The following PSMF1 variants were observed in gnomAD, a reference collection of about 807,000 sequenced individuals.
PSMF1 encodes the protein proteasome inhibitor PI31 subunit.
Under a neutral mutation model 29.3 loss-of-function variants are expected in PSMF1, and 30 were observed. The ratio of observed to expected loss-of-function variants is 1.02; its 90% CI spans 0.77 to 1.39. The LOEUF (loss-of-function observed/expected upper bound fraction) is 1.39, where lower values mean the gene tolerates loss of function less well. PSMF1 is among the 40% of genes most tolerant of loss of function. PSMF1 has a pLI of 0.00. For synonymous variants in PSMF1, 134 were observed against 139.7 expected (o/e 0.96, Z 0.29); for missense variants, 344 against 357.5 (o/e 0.96, Z 0.31).
At chr20:1,122,223 C>T (rs759047069) in intron 1 of PSMF1, among the ~76,000 whole-genome samples, 11 of 152,074 alleles carry the variant, frequency 7.2e-5, no homozygotes, top group Non-Finnish European at 1.5e-4. Flanking sequence ...CTACACCTGA[C>T]TTGCTGAGAC....
intron 4 of PSMF1, among the ~76,000 whole-genome samples, chr20:1,139,822 C>A (rs1334640468): frequency 6.6e-6 from 1 of 151,554 alleles, no homozygotes; most frequent in South Asian, 2.1e-4. Context: ...TGAAATTATC[C>A]CATTTATAAC....
intron 3 of PSMF1, among the ~76,000 whole-genome samples, chr20:1,133,233 C>T (rs965984256): frequency 6.6e-5 from 10 of 150,856 alleles, no homozygotes; most frequent in African/African-American, 2.4e-4. Context: ...TGTAAATGTT[C>T]TTTATCAGGT....
At chr20:1,161,930 A>G (rs2086672316) in intron 4 of PSMF1, among the ~76,000 whole-genome samples, 1 of 152,310 alleles carries the variant, frequency 6.6e-6, no homozygotes, top group South Asian at 2.1e-4. Context: ...TTAATACTCT[A>G]CATATCTTTG....
At position 1,170,385 on chromosome 20, in the gene PSMF1, G is replaced by C. The variant is rs6040275; in HGVS notation, c.*5305G>C. Reference sequence around the variant, plus strand: ...TTAATGCATGCATGAACTCTGATTCGAAGTTTTCGTTGATTTTACCCCCAG... The same window carrying C: ...TTAATGCATGCATGAACTCTGATTCCAAGTTTTCGTTGATTTTACCCCCAG... On this transcript the variant is annotated 3_prime_UTR_variant, in exon 7 of 7. Transcript: ENST00000335877. Among the ~76,000 whole-genome samples the C allele has an allele frequency of 6.6e-6, 1 of 152,014 alleles. No homozygotes were observed. The highest frequency in any genetic ancestry group is 1.5e-5 in the Non-Finnish European group (1 of 68,008).
upstream of PSMF1, among the ~76,000 whole-genome samples, chr20:1,113,847 A>C (rs1014912269): frequency 1.3e-5 from 2 of 151,830 alleles, no homozygotes; most frequent in African/African-American, 2.4e-5. Flanking sequence ...GCCCGCCACC[A>C]CGCCCGGCTA....
intron 4 of PSMF1, among the ~76,000 whole-genome samples, chr20:1,149,928 G>C (rs1412619696): frequency 6.6e-6 from 1 of 151,362 alleles, no homozygotes; most frequent in Non-Finnish European, 1.5e-5. Flanking sequence ...GAGAGGCTGA[G>C]GTGGGAGGAT....
intron 4 of PSMF1, among the ~76,000 whole-genome samples, chr20:1,160,003 G>C (rs2086646347): frequency 6.6e-6 from 1 of 152,174 alleles, no homozygotes; most frequent in African/African-American, 2.4e-5. Context: ...TGTATTGCTT[G>C]CCAGGGCTCT....
At chr20:1,127,345 A>G in intron 2 of PSMF1, 81 bp from the exon 3 acceptor site, 1 of 1,044,144 alleles carries the variant, frequency 9.6e-7, no homozygotes, top group African/African-American at 1.6e-5. Context: ...TTTAGGTTGA[A>G]GACTTTGTTA....
In PSMF1 at chr20:1,170,126, T is replaced by A. The variant is rs781382274; in HGVS notation, c.*5046T>A. 6.6e-6 allele frequency among the ~76,000 whole-genome samples: 1 copy of A among 152,210 alleles called. No individual in the cohort carries two copies. Among genetic ancestry groups the A allele is most frequent in the Non-Finnish European group, 1.5e-5 (1 of 68,034 alleles). On this transcript the variant is annotated 3_prime_UTR_variant, in exon 7 of 7. Coordinates refer to ENST00000335877, the MANE Select transcript of PSMF1 (RefSeq NM_006814.5). ...AGAAGGGAGGGGAAGACCTACCTCC[T>A]TGTTACTCAGACCACCAGCAACAGC...
intron 4 of PSMF1, among the ~76,000 whole-genome samples, chr20:1,153,543 T>A (rs1050655264): frequency 6.6e-5 from 10 of 151,646 alleles, no homozygotes; most frequent in Non-Finnish European, 8.8e-5. Context: ...CCTTTTGAGG[T>A]CAACTGTGCC....
rs6108755 is a variant in PSMF1, at chr20:1,166,056, C to A, written c.*976C>A. 2.2e-3 allele frequency: 3,316 copies of A among 1,485,594 alleles called. 67 individuals are homozygous for A. The African/African-American group carries it at 0.04, about 18-fold the overall frequency. 92.0% of individuals were successfully genotyped at this position (1,485,594 alleles called of 1,614,324 possible). ...GGTTCAAGGCCATACTTCCCTTGAACCTTGTGTGGTTCTTGCCTAACTCTG... is the reference window on the plus strand; with the variant it reads ...GGTTCAAGGCCATACTTCCCTTGAAACTTGTGTGGTTCTTGCCTAACTCTG... On this transcript the variant is annotated 3_prime_UTR_variant, in exon 7 of 7. Coordinates refer to ENST00000335877, the MANE Select transcript of PSMF1 (RefSeq NM_006814.5).
At position 1,161,545 on chromosome 20, in the gene PSMF1, G is replaced by A. The variant is rs952254716; in HGVS notation, c.552-1585G>A. The A allele has an allele frequency of 4.0e-5, 24 of 594,118 alleles. No homozygotes were observed. The Admixed American group carries it at 5.5e-4, about 14-fold the overall frequency. 36.8% of individuals were successfully genotyped at this position (594,118 alleles called of 1,614,324 possible). Reference sequence around the variant, plus strand: ...ATCACTGCCCTGGTGCCAGCACAAGGAAGATCAAGATCATCGTGCTCCCAG... The same window carrying A: ...ATCACTGCCCTGGTGCCAGCACAAGAAAGATCAAGATCATCGTGCTCCCAG... On this transcript the variant is annotated intron_variant, in intron 4 of 6. Transcript: ENST00000335877.
chr20:1,125,621 G>C lies in PSMF1; in HGVS notation c.253G>C (p.Val85Leu). 2 of 1,613,598 alleles carry C rather than the reference G, an allele frequency of 1.2e-6. No individual in the cohort carries two copies. Among genetic ancestry groups the C allele is most frequent in the Non-Finnish European group, 1.7e-6 (2 of 1,179,720 alleles). ...AAAGCTCCTTGTGAAAGCCATCACC[G>C]TGGAGAGCAGCATGATCCTCAATGT... is the stretch of plus-strand genomic sequence containing the variant. ...SRKLLVKAITVESSMILNVLE... is the reference protein window; with the variant it reads ...SRKLLVKAITLESSMILNVLE... Residue 85 changes from valine to leucine, a missense_variant, in exon 2 of 7, where the codon GTG (valine) becomes CTG (leucine). Val to Leu is a conservative substitution (Grantham distance 32). Coordinates refer to ENST00000335877, the MANE Select transcript of PSMF1 (RefSeq NM_006814.5).
chr20:1,114,524 G>A (rs928004738), upstream of PSMF1, among the ~76,000 whole-genome samples: 24 of 149,090 alleles, frequency 1.6e-4, no homozygotes, highest in African/African-American at 4.0e-4. Flanking sequence ...TGGGGGTGAC[G>A]GAGCTGTCTG....
upstream of PSMF1, among the ~76,000 whole-genome samples, chr20:1,113,971 G>A (rs1046194625): frequency 1.3e-5 from 2 of 152,184 alleles, no homozygotes; most frequent in Non-Finnish European, 2.9e-5. Context: ...GATTACAGGC[G>A]TGAGCCACCG....
intron 4 of PSMF1, among the ~76,000 whole-genome samples, chr20:1,159,595 A>G (rs1050919008): frequency 2.0e-5 from 3 of 152,240 alleles, no homozygotes; most frequent in African/African-American, 4.8e-5. Flanking sequence ...ATCAGCCACT[A>G]GAAGCCCCCT....
intron 4 of PSMF1, among the ~76,000 whole-genome samples, chr20:1,150,307 T>C (rs566229951): frequency 1.3e-5 from 2 of 152,182 alleles, no homozygotes; most frequent in Non-Finnish European, 2.9e-5. Flanking sequence ...CATTCTAAAG[T>C]GAAGCTGGAT....
chr20:1,156,655 G>A (rs1218673140), intron 4 of PSMF1, among the ~76,000 whole-genome samples: 1 of 152,146 alleles, frequency 6.6e-6, no homozygotes, highest in Non-Finnish European at 1.5e-5. Flanking sequence ...TCTATATCCA[G>A]TGAATATTTC....
intron 4 of PSMF1, among the ~76,000 whole-genome samples, chr20:1,150,129 A>G (rs190376179): frequency 6.0e-4 from 91 of 151,786 alleles, no homozygotes; most frequent in East Asian, 3.7e-3. Flanking sequence ...GTGGTGAGCC[A>G]TGATCACACT....
Sources: gnomAD v4.1 joint callset for allele counts (sites outside exome capture counted in the v4.1 genomes callset) on GRCh38, gnomAD v4.1.1 for gene constraint, MANE v1.5 for transcripts, NCBI Gene and HGNC (gene_info 2026-07-23, HGNC 2026-07-21) for gene names.